CTU2: variants seen among roughly 807,000 people sequenced by gnomAD.
The protein encoded by CTU2 is cytoplasmic tRNA 2-thiolation protein 2.
Under a neutral mutation model 64.1 loss-of-function variants are expected in CTU2, and 80 were observed. The ratio of observed to expected loss-of-function variants is 1.25; its 90% CI spans 1.04 to 1.50. The LOEUF (loss-of-function observed/expected upper bound fraction) is 1.50, where lower values mean the gene tolerates loss of function less well. Ranked by LOEUF, CTU2 falls within the 40% of genes most tolerant of loss-of-function variation. CTU2 has a pLI of 0.00. For missense variants in CTU2, 1,110 were observed against 690.2 expected (o/e 1.61, Z -6.81); for synonymous variants, 482 against 285.3 (o/e 1.69, Z -6.95).
chr16:88,714,290 G>GGGTGTGTGCA lies in CTU2; in HGVS notation c.1097+67_1097+68insTGTGCAGGTG, dbSNP rs1292823565. 189 of 1,568,240 alleles carry GGGTGTGTGCA rather than the reference G, an allele frequency of 1.2e-4. 1 individual carries two copies. The African/African-American group carries it at 2.3e-3, about 19-fold the overall frequency. On this transcript the variant is annotated intron_variant, in intron 10 of 14. Transcript: ENST00000453996. ...GTGTGTGCTGTGCGCGGGTGTGTGC[G>GGGTGTGTGCA]GGTGGTGAGCTCACCACTCGTGCTC...
intron 2 of CTU2, among the ~76,000 whole-genome samples, chr16:88,708,256 C>T (rs1911060586): frequency 1.3e-5 from 2 of 152,180 alleles, no homozygotes; most frequent in South Asian, 4.1e-4. Context: ...GCTTGCTGGT[C>T]CCAAGGAACA....
chr16:88,712,497 G>A, intron 6 of CTU2, 114 bp downstream of exon 6: 2 of 1,459,654 alleles, frequency 1.4e-6, no homozygotes, highest in East Asian at 2.3e-5. Context: ...TGTCGGTGGG[G>A]GGTGGGAGGC....
chr16:88,709,449 C>T (rs1911145064), intron 2 of CTU2: 1 of 156,496 alleles, frequency 6.4e-6, no homozygotes, highest in South Asian at 1.9e-4. Context: ...CTGTGGCCCA[C>T]CCCATTTCCG....
Position 88,706,530 on chromosome 16 carries a change from C to T in CTU2, c.-1C>T, listed in dbSNP as rs998382443. The T allele has an allele frequency of 3.5e-5, 51 of 1,451,352 alleles. No individual in the cohort carries two copies. The highest frequency in any genetic ancestry group is 4.4e-5 in the Non-Finnish European group (49 of 1,109,094). 89.9% of individuals were successfully genotyped at this position (1,451,352 alleles called of 1,614,324 possible). On this transcript the variant is annotated 5_prime_UTR_variant, in exon 1 of 15. Coordinates refer to ENST00000453996, the MANE Select transcript of CTU2 (RefSeq NM_001012759.3). ...AGTCTGCGACGGGACCCGGCGTGCC[C>T]ATGTGTCAGGTGGGCGAGGACTACG...
chr16:88,714,393 A>T lies in CTU2; in HGVS notation c.1108A>T (p.Lys370Ter). The T allele has an allele frequency of 6.2e-7, 1 of 1,612,400 alleles. No homozygotes were observed. The highest frequency in any genetic ancestry group is 8.5e-7 in the Non-Finnish European group (1 of 1,179,792). ...ACAATCCGGCCACAGGACAAGTGAG[A>T]AGCTGGTGAAGGGCCCCCGGGATGG... Reference protein sequence around the residue: ...TVSTVYRTSEKLVKGPRDGPA... With the variant: ...TVSTVYRTSE The change falls in exon 11 of 15, where the codon AAG becomes TAG. Residue 370 changes from lysine (K) to a stop codon, truncating the protein, a stop_gained. Transcript: ENST00000453996. LOFTEE classifies it high-confidence loss of function.
At chr16:88,715,006 C>G (rs1028957268) in intron 13 of CTU2, 42 bp from the exon 14 acceptor site, 1 of 1,590,948 alleles carries the variant, frequency 6.3e-7, no homozygotes, top group African/African-American at 1.3e-5. Context: ...TGAGGGGGTG[C>G]TGGCAGGTTT....
intron 13 of CTU2, 34 bp downstream of exon 13, chr16:88,714,960 T>G: frequency 6.2e-7 from 1 of 1,601,388 alleles, no homozygotes; most frequent in Non-Finnish European, 8.5e-7. Flanking sequence ...GGGCCGGGCT[T>G]GGGGACGCGG....
chr16:88,714,307 C>T, intron 10 of CTU2, 76 bp from the exon 11 acceptor site: 1 of 1,598,358 alleles, frequency 6.3e-7, no homozygotes, highest in Non-Finnish European at 8.6e-7. Context: ...GAGCTCACCA[C>T]TCGTGCTCAG....
rs1911689562 is a variant in CTU2 at position 88,714,373 on chromosome 16, C to G, written c.1098-10C>G. ...GTGATTCACCTGCTCCTCCCACAAT[C>G]CGGCCACAGGACAAGTGAGAAGCTG... On this transcript the variant is annotated splice_polypyrimidine_tract_variant and intron_variant, in intron 10 of 14. Transcript: ENST00000453996. The G allele has an allele frequency of 1.2e-6, 2 of 1,612,196 alleles. No homozygotes were observed. The highest frequency in any genetic ancestry group is 1.1e-5 in the South Asian group (1 of 91,068).
intron 5 of CTU2, 85 bp from the exon 6 acceptor site, chr16:88,712,189 G>C: frequency 8.4e-7 from 1 of 1,192,864 alleles, no homozygotes. Flanking sequence ...AGGCCTCGAA[G>C]GGTTTTCCCA....
In CTU2 at chr16:88,714,906, C is replaced by G. The variant is rs139862860; in HGVS notation, c.1399C>G (p.Arg467Gly). ...TGAGGAGCAGCTGTGCTACAGCTGC[C>G]GCGTGAACATGAAGGACTTGGTGAG... ...CIEEQLCYSC[R>G]VNMKDLPSLD... is the part of the protein sequence containing the mutation. Residue 467 changes from arginine to glycine, a missense_variant, in exon 13 of 15, where the codon CGC (arginine) becomes GGC (glycine). Physicochemically the swap from Arg to Gly is moderately radical, Grantham distance 125. Coordinates refer to ENST00000453996, the MANE Select transcript of CTU2 (RefSeq NM_001012759.3). 4.2e-5 allele frequency: 67 copies of G among 1,612,634 alleles called. No homozygotes were observed. The African/African-American group carries it at 8.4e-4, about 20-fold the overall frequency.
chr16:88,710,196 C>G (rs1313545984), intron 3 of CTU2, 27 bp from the exon 4 acceptor site: 1 of 1,613,472 alleles, frequency 6.2e-7, no homozygotes, highest in Non-Finnish European at 8.5e-7. Flanking sequence ...AGGTGCGGTG[C>G]CCTGAGTGAT....
chr16:88,710,617 ACT>A, intron 4 of CTU2: 1 of 312,796 alleles, frequency 3.2e-6, no homozygotes, highest in Admixed American at 4.8e-5. Context: ...TGTGCGGCCC[ACT>A]CTCAGATGTG....
rs373374683 is a variant in CTU2, at chr16:88,713,414, G to A, written c.840G>A (p.Ala280=). The A allele has an allele frequency of 1.4e-5, 22 of 1,599,520 alleles. No homozygotes were observed. The highest frequency in any genetic ancestry group is 3.4e-5 in the South Asian group (3 of 89,048). ...CTATCAAGCTCATGACCAACCTGGC[G>A]CTGGGTCGAGGGGCCTTCCTGGCCT... The part of the protein sequence containing the change: ...RLAIKLMTNL[A]LGRGAFLAWD... The change falls in exon 8 of 15, where the codon GCG becomes GCA. Residue 280 remains alanine, a synonymous_variant. Transcript: ENST00000453996.
At chr16:88,710,565 TA>T in intron 4 of CTU2, 1 of 442,978 alleles carries the variant, frequency 2.3e-6, no homozygotes, top group Non-Finnish European at 4.1e-6. Context: ...CAGATGTGTT[TA>T]CAGCAGGTGC....
rs747295662 is a variant in CTU2, at chr16:88,707,211, G to A, written c.143+1G>A. ...TACGAGCCGGAGATGCCTTCTGCAG[G>A]TGAGGCCTGGAGGTGGCTGAGACCC... On this transcript the variant is annotated splice_donor_variant, in intron 2 of 14. Coordinates refer to ENST00000453996, the MANE Select transcript of CTU2 (RefSeq NM_001012759.3). LOFTEE classifies it high-confidence loss of function. 2.5e-6 allele frequency: 4 copies of A among 1,613,898 alleles called. No individual in the cohort carries two copies. In the Admixed American group the frequency reaches 5.0e-5, roughly 20 times the overall value.
In CTU2 at chr16:88,714,864, G is replaced by T. The variant is rs140495759; in HGVS notation, c.1357G>T (p.Asp453Tyr). ...CAGCCAGCTCTGCTCCCGCAGGGAG[G>T]ACCCCCAAGCCTGCATTGAGGAGCA... ...RCGQGACRRE[D>Y]PQACIEEQLC... is the part of the protein sequence containing the mutation. The change falls in exon 13 of 15, where the codon GAC becomes TAC. Residue 453 changes from aspartate (D) to tyrosine (Y), a missense_variant. By Grantham distance (160) the Asp-to-Tyr change is radical. Transcript: ENST00000453996. 196 of 1,612,628 alleles carry T rather than the reference G, an allele frequency of 1.2e-4. 1 individual carries two copies. In the South Asian group the frequency reaches 2.0e-3, roughly 17 times the overall value.
At position 88,714,643 on chromosome 16, in the gene CTU2, C is replaced by T. The variant is rs1015283754; in HGVS notation, c.1258C>T (p.Pro420Ser). The change falls in exon 12 of 15, where the codon CCC becomes TCC. Residue 420 changes from proline (P) to serine (S), a missense_variant. Physicochemically the swap from Pro to Ser is moderately conservative, Grantham distance 74 (BLOSUM62 -1). Transcript: ENST00000453996. ...CTCGCGTCTCTCCCAGATGCAGTCACCCATCCCCCTGACTGAGACCCGGAC... is the reference window on the plus strand; with the variant it reads ...CTCGCGTCTCTCCCAGATGCAGTCATCCATCCCCCTGACTGAGACCCGGAC... ...TSSRLSQMQS[P>S]IPLTETRTPP... 3 of 1,612,490 alleles carry T rather than the reference C, an allele frequency of 1.9e-6. No homozygotes were observed. Among genetic ancestry groups the T allele is most frequent in the African/African-American group, 1.3e-5 (1 of 74,912 alleles).
chr16:88,711,587 C>A, intron 4 of CTU2, 48 bp from the exon 5 acceptor site: 1 of 1,535,062 alleles, frequency 6.5e-7, no homozygotes, highest in Non-Finnish European at 8.9e-7. Flanking sequence ...GGAAAAGTGT[C>A]CTGTGGCTTA....
Sources: allele counts gnomAD v4.1 joint callset (sites outside exome capture counted in the v4.1 genomes callset), GRCh38; gene constraint gnomAD v4.1.1; transcripts MANE v1.5; gene names NCBI Gene and HGNC (gene_info 2026-07-23, HGNC 2026-07-21).